Variants in CDKAL1 observed in about 807,000 individuals in gnomAD.
CDKAL1 encodes the protein CDKAL1 threonylcarbamoyladenosine tRNA methylthiotransferase.
Under a neutral mutation model 68.2 loss-of-function variants are expected in CDKAL1, and 32 were observed. The ratio of observed to expected loss-of-function variants is 0.47; its 90% CI spans 0.35 to 0.63. CDKAL1 has a LOEUF of 0.63. Among genes scored for constraint, CDKAL1 ranks in the 30% least tolerant of loss-of-function variants. CDKAL1 has a pLI of 0.00. For synonymous variants in CDKAL1, 234 were observed against 244.3 expected (o/e 0.96, Z 0.39); for missense variants, 606 against 696.7 (o/e 0.87, Z 1.47).
chr6:20,611,916 C>T, intron 4 of CDKAL1, among the ~76,000 whole-genome samples: 1 of 152,144 alleles, frequency 6.6e-6, no homozygotes, highest in East Asian at 1.9e-4. Context: ...TGGCACATCC[C>T]CTTCCCACTT....
chr6:20,863,794 G>A (rs190521800), intron 9 of CDKAL1, among the ~76,000 whole-genome samples: 16 of 152,112 alleles, frequency 1.1e-4, no homozygotes, highest in Admixed American at 9.8e-4. Context: ...TGAAATGAAG[G>A]GAATCATTTA....
intron 12 of CDKAL1, among the ~76,000 whole-genome samples, chr6:21,068,784 A>G (rs949642972): frequency 1.3e-5 from 2 of 152,190 alleles, no homozygotes; most frequent in African/African-American, 4.8e-5. Flanking sequence ...TATTGATTTT[A>G]TAGGTCATTT....
At chr6:21,194,796 G>T (rs1325678302) in intron 13 of CDKAL1, among the ~76,000 whole-genome samples, 2 of 152,168 alleles carry the variant, frequency 1.3e-5, no homozygotes, top group African/African-American at 4.8e-5. Flanking sequence ...GCATCTTCCA[G>T]AATGTCATCT....
chr6:21,061,960 A>G (rs1321179428), intron 11 of CDKAL1, among the ~76,000 whole-genome samples: 1 of 152,180 alleles, frequency 6.6e-6, no homozygotes, highest in Non-Finnish European at 1.5e-5. Flanking sequence ...CTATCAGGCA[A>G]CTTTTTGTTT....
intron 4 of CDKAL1, among the ~76,000 whole-genome samples, chr6:20,566,983 C>T (rs1182715203): frequency 6.6e-6 from 1 of 151,980 alleles, no homozygotes; most frequent in Non-Finnish European, 1.5e-5. Flanking sequence ...TGTGTTCTTT[C>T]TACAGAGAAT....
chr6:20,790,844 T>A (rs9356753), intron 8 of CDKAL1, among the ~76,000 whole-genome samples: 146,150 of 152,206 alleles, frequency 0.96, 70,180 homozygotes, highest in East Asian at 1. Context: ...CTTTTTAGGG[T>A]CTCAGAATGG....
chr6:21,044,471 C>T (rs768213359), intron 11 of CDKAL1, among the ~76,000 whole-genome samples: 1 of 152,156 alleles, frequency 6.6e-6, no homozygotes, highest in Non-Finnish European at 1.5e-5. Flanking sequence ...TTGCTTCTTA[C>T]ATTGGTGGTC....
intron 9 of CDKAL1, among the ~76,000 whole-genome samples, chr6:20,852,609 G>C (rs1759077955): frequency 6.6e-6 from 1 of 152,192 alleles, no homozygotes; most frequent in South Asian, 2.1e-4. Flanking sequence ...CAGATATTCA[G>C]TTTAAATAAG....
intron 9 of CDKAL1, among the ~76,000 whole-genome samples, chr6:20,875,305 CAAAAAAAAAAAAAA>C (rs58717424): frequency 5.6e-5 from 4 of 71,216 alleles, no homozygotes; most frequent in African/African-American, 6.1e-5. Context: ...GACTCCGTCT[CAAAAAAAAAAAAAA>C]AAAAAAAAAA....
At chr6:20,654,892 A>G (rs796868202) in intron 5 of CDKAL1, among the ~76,000 whole-genome samples, 1 of 152,312 alleles carries the variant, frequency 6.6e-6, no homozygotes, top group African/African-American at 2.4e-5. Context: ...TGATAGTGCT[A>G]GTACCTTTTT....
At chr6:21,131,854 T>C (rs1396742440) in intron 13 of CDKAL1, among the ~76,000 whole-genome samples, 1 of 152,198 alleles carries the variant, frequency 6.6e-6, no homozygotes, top group Non-Finnish European at 1.5e-5. Context: ...CCCACAAATT[T>C]AGTATTCCAA....
intron 13 of CDKAL1, among the ~76,000 whole-genome samples, chr6:21,162,630 A>G (rs1776972483): frequency 6.6e-6 from 1 of 152,232 alleles, no homozygotes; most frequent in South Asian, 2.1e-4. Flanking sequence ...AAGGACCTAG[A>G]AAAAGTCTGG....
At chr6:20,836,075 T>C (rs1777927354) in intron 8 of CDKAL1, among the ~76,000 whole-genome samples, 1 of 152,080 alleles carries the variant, frequency 6.6e-6, no homozygotes, top group African/African-American at 2.4e-5. Flanking sequence ...TACTCCCTCC[T>C]ATGTAGATGA....
chr6:21,152,043 G>A (rs10946433), intron 13 of CDKAL1, among the ~76,000 whole-genome samples: 11,968 of 152,184 alleles, frequency 0.079, 650 homozygotes, highest in East Asian at 0.27. Context: ...TTGAAAATAC[G>A]TATTATCATC....
At chr6:20,848,171 A>G (rs2150498431) in intron 9 of CDKAL1, among the ~76,000 whole-genome samples, 1 of 152,374 alleles carries the variant, frequency 6.6e-6, no homozygotes, top group East Asian at 1.9e-4. Context: ...GACTGGTTGC[A>G]GAAAGCAAGC....
chr6:21,048,053 G>A (rs1372907068), intron 11 of CDKAL1, among the ~76,000 whole-genome samples: 11 of 152,184 alleles, frequency 7.2e-5, no homozygotes, highest in African/African-American at 2.7e-4. Context: ...TCACCCTGGA[G>A]TGTTCCTGGG....
chr6:21,084,414 C>A (rs1171987690), intron 12 of CDKAL1, among the ~76,000 whole-genome samples: 1 of 152,098 alleles, frequency 6.6e-6, no homozygotes, highest in African/African-American at 2.4e-5. Context: ...AGAAACTGTG[C>A]AGATCAAAAC....
chr6:21,218,186 G>C (rs1341705301), intron 15 of CDKAL1, among the ~76,000 whole-genome samples: 3 of 152,148 alleles, frequency 2.0e-5, no homozygotes, highest in African/African-American at 7.2e-5. Context: ...ATGGTAGGTA[G>C]GGGTTAAATT....
At chr6:21,019,229 G>A (rs568485247) in intron 11 of CDKAL1, among the ~76,000 whole-genome samples, 2 of 152,306 alleles carry the variant, frequency 1.3e-5, no homozygotes, top group East Asian at 1.9e-4. Flanking sequence ...GATTATAGGC[G>A]TGAGCCACCA....
Sources: allele counts gnomAD v4.1 joint callset (sites outside exome capture counted in the v4.1 genomes callset), GRCh38; gene constraint gnomAD v4.1.1; transcripts MANE v1.5; gene names NCBI Gene and HGNC (gene_info 2026-07-23, HGNC 2026-07-21).